Variants in SGCZ observed in about 807,000 individuals in gnomAD.
SGCZ encodes sarcoglycan zeta, also known as zeta-sarcoglycan.
Under a neutral mutation model 41.3 loss-of-function variants are expected in SGCZ, and 40 were observed. The observed-to-expected ratio is 0.97, with a 90% CI of 0.75 to 1.26. The LOEUF is 1.26. SGCZ is among the 50% of genes most tolerant of loss of function. SGCZ has a pLI of 0.00. For missense variants in SGCZ, 552 were observed against 369.8 expected, an observed-to-expected ratio of 1.49 and a Z score of -4.04; for synonymous variants, 206 against 137.5, an observed-to-expected ratio of 1.50 and a Z score of -3.49.
chr8:14,831,085 AG>A (rs1439083076), intron 1 of SGCZ, among the ~76,000 whole-genome samples: 1 of 152,186 alleles, frequency 6.6e-6, no homozygotes, highest in Admixed American at 6.5e-5. Flanking sequence ...TCATAATATG[AG>A]GAAGTCATTT....
At chr8:15,116,348 G>A (rs558596079) in intron 1 of SGCZ, among the ~76,000 whole-genome samples, 8 of 151,960 alleles carry the variant, frequency 5.3e-5, no homozygotes, top group African/African-American at 9.7e-5. Flanking sequence ...TAAATCTTAC[G>A]GTATGAAATA....
chr8:14,119,994 G>A (rs1380799858), intron 5 of SGCZ, among the ~76,000 whole-genome samples: 1 of 152,120 alleles, frequency 6.6e-6, no homozygotes, highest in Non-Finnish European at 1.5e-5. Flanking sequence ...TTGCATCGAT[G>A]CTCATCAGGG....
rs138222138 is a variant in SGCZ at position 14,670,912 on chromosome 8, T to C, written c.40-115986A>G. Among the ~76,000 whole-genome samples the C allele has an allele frequency of 7.2e-5, 11 of 152,302 alleles. No homozygotes were observed. In the East Asian group the frequency reaches 1.5e-3, roughly 21 times the overall value. The stretch of plus-strand genomic sequence containing the variant: ...GCCATGGTCTTAATTTACTACCCTA[T>C]AGAACTAGTGAGTACACAGGTTGAA... On this transcript the variant is annotated intron_variant, in intron 1 of 7. Coordinates refer to ENST00000382080, the MANE Select transcript of SGCZ (RefSeq NM_139167.4).
At chr8:14,362,736 T>G (rs1286519321) in intron 2 of SGCZ, among the ~76,000 whole-genome samples, 1 of 152,160 alleles carries the variant, frequency 6.6e-6, no homozygotes, top group Non-Finnish European at 1.5e-5. Context: ...GGTGAACCAG[T>G]GCCTGAGATG....
intron 1 of SGCZ, among the ~76,000 whole-genome samples, chr8:14,818,630 A>T (rs1585288365): frequency 6.6e-6 from 1 of 152,288 alleles, no homozygotes; most frequent in South Asian, 2.1e-4. Flanking sequence ...TCAAACTGAT[A>T]ATCTTAAGGA....
chr8:14,264,958 G>C (rs1050205868), intron 3 of SGCZ, among the ~76,000 whole-genome samples: 3 of 152,222 alleles, frequency 2.0e-5, no homozygotes, highest in African/African-American at 2.4e-5. Flanking sequence ...GCGAGACTCT[G>C]TCTCAAAAAC....
intron 1 of SGCZ, among the ~76,000 whole-genome samples, chr8:15,208,777 T>C (rs1467051645): frequency 6.6e-6 from 1 of 151,942 alleles, no homozygotes; most frequent in Non-Finnish European, 1.5e-5. Context: ...GCTCACAAAC[T>C]GCAAGATGCT....
Position 14,279,105 on chromosome 8 carries a change from G to A in SGCZ, c.337-41426C>T, listed in dbSNP as rs1800334669. 2.0e-5 allele frequency among the ~76,000 whole-genome samples: 3 copies of A among 151,914 alleles called. No individual in the cohort carries two copies. In the South Asian group the frequency reaches 6.2e-4, roughly 32 times the overall value. On this transcript the variant is annotated intron_variant, in intron 3 of 7. Coordinates refer to ENST00000382080, the MANE Select transcript of SGCZ (RefSeq NM_139167.4). ...AATTTAATCTTAATTACCATCTTAGGTTGAATTCCCTAGAAATCAGAGCCG... is the reference window on the plus strand; with the variant it reads ...AATTTAATCTTAATTACCATCTTAGATTGAATTCCCTAGAAATCAGAGCCG...
intron 2 of SGCZ, among the ~76,000 whole-genome samples, chr8:14,459,326 G>C (rs995238049): frequency 6.6e-6 from 1 of 151,944 alleles, no homozygotes; most frequent in African/African-American, 2.4e-5. Context: ...TAAATGACGA[G>C]TTAATGGGTG....
At chr8:14,130,338 C>T (rs948749123) in intron 5 of SGCZ, among the ~76,000 whole-genome samples, 1 of 145,036 alleles carries the variant, frequency 6.9e-6, no homozygotes, top group Non-Finnish European at 1.5e-5. Context: ...TCTCTTTTAT[C>T]ACTATATAAT....
intron 3 of SGCZ, among the ~76,000 whole-genome samples, chr8:14,281,523 T>C (rs968250523): frequency 6.6e-6 from 1 of 152,030 alleles, no homozygotes; most frequent in African/African-American, 2.4e-5. Flanking sequence ...AAATTGAATA[T>C]ACATGCACAT....
chr8:14,879,172 T>C (rs1348309479), intron 1 of SGCZ: 1 of 151,890 alleles, frequency 6.6e-6, no homozygotes, highest in Non-Finnish European at 1.5e-5. Flanking sequence ...AAAAAAAATT[T>C]AAAAAGTTAG....
At chr8:14,361,937 C>A (rs1300966410) in intron 2 of SGCZ, among the ~76,000 whole-genome samples, 1 of 152,164 alleles carries the variant, frequency 6.6e-6, no homozygotes, top group African/African-American at 2.4e-5. Context: ...AACAGACAGG[C>A]CCCTCAGCTG....
chr8:14,516,040 G>A (rs1165348187), intron 2 of SGCZ, among the ~76,000 whole-genome samples: 1 of 151,778 alleles, frequency 6.6e-6, no homozygotes, highest in African/African-American at 2.4e-5. Flanking sequence ...ACTGTCTCAT[G>A]GATTATTGTT....
At position 14,781,754 on chromosome 8, in the gene SGCZ, A is replaced by G. The variant is rs114646425; in HGVS notation, c.40-226828T>C. Among the ~76,000 whole-genome samples, 794 of 152,268 alleles carry G rather than the reference A, an allele frequency of 5.2e-3. 7 individuals carry two copies. Among genetic ancestry groups the G allele is most frequent in the African/African-American group, 0.019 (771 of 41,550 alleles). ...TTTGCTTAATAGACCTAAATTATGG[A>G]GCATCAAATCACTGCCTAGCCTACC... On this transcript the variant is annotated intron_variant, in intron 1 of 7. Coordinates refer to ENST00000382080, the MANE Select transcript of SGCZ (RefSeq NM_139167.4).
At chr8:14,747,284 A>C (rs1799362820) in intron 1 of SGCZ, among the ~76,000 whole-genome samples, 1 of 152,156 alleles carries the variant, frequency 6.6e-6, no homozygotes, top group South Asian at 2.1e-4. Context: ...CAGGATGTCT[A>C]AACTTGTAGC....
intron 1 of SGCZ, among the ~76,000 whole-genome samples, chr8:14,831,119 T>C (rs965698850): frequency 1.3e-5 from 2 of 152,160 alleles, no homozygotes; most frequent in Admixed American, 1.3e-4. Context: ...AATATGACTC[T>C]CTTCCAATTG....
At chr8:14,376,057 T>C (rs1804110000) in intron 2 of SGCZ, among the ~76,000 whole-genome samples, 1 of 152,216 alleles carries the variant, frequency 6.6e-6, no homozygotes, top group South Asian at 2.1e-4. Flanking sequence ...CTCATGCCGG[T>C]AATCCCAGCA....
chr8:15,192,306 T>C, intron 1 of SGCZ, among the ~76,000 whole-genome samples: 1 of 152,066 alleles, frequency 6.6e-6, no homozygotes, highest in East Asian at 1.9e-4. Context: ...ATTGTTTTGA[T>C]GAGTAATGTG....
Sources: allele counts gnomAD v4.1 joint callset (sites outside exome capture counted in the v4.1 genomes callset), GRCh38; gene constraint gnomAD v4.1.1; transcripts MANE v1.5; gene names NCBI Gene and HGNC (gene_info 2026-07-23, HGNC 2026-07-21).